GABRG3: variants seen among roughly 807,000 people sequenced by gnomAD.
GABRG3 encodes gamma-aminobutyric acid type A receptor subunit gamma3, also known as gamma-aminobutyric acid receptor subunit gamma-3.
A neutral mutation model predicts 48.8 loss-of-function variants in GABRG3; 25 were observed. The observed-to-expected ratio is 0.51, with a 90% CI of 0.37 to 0.72. The LOEUF (loss-of-function observed/expected upper bound fraction) is 0.72, where lower values mean the gene tolerates loss of function less well. Ranked by LOEUF, GABRG3 falls within the 30% of genes least tolerant of loss-of-function variation. GABRG3 has a pLI of 0.00. For synonymous variants in GABRG3, 227 were observed against 217.6 expected, an observed-to-expected ratio of 1.04 and a Z score of -0.38; for missense variants, 394 against 577.9, an observed-to-expected ratio of 0.68 and a Z score of 3.26.
At chr15:27,396,035 A>G (rs771628015) in intron 5 of GABRG3, among the ~76,000 whole-genome samples, 2 of 152,000 alleles carry the variant, frequency 1.3e-5, no homozygotes. Flanking sequence ...TAATTTTGTT[A>G]TTTCTTTGTG....
intron 3 of GABRG3, among the ~76,000 whole-genome samples, chr15:27,117,716 C>T (rs1343352107): frequency 6.6e-6 from 1 of 152,144 alleles, no homozygotes; most frequent in East Asian, 1.9e-4. Context: ...ACTAAGCCTA[C>T]TTCTTACTAG....
At chr15:27,330,307 T>G (rs1332584596) in intron 5 of GABRG3, among the ~76,000 whole-genome samples, 2 of 152,224 alleles carry the variant, frequency 1.3e-5, no homozygotes, top group Non-Finnish European at 2.9e-5. Flanking sequence ...TGAAATCTCA[T>G]GTAGAAGTTT....
intron 3 of GABRG3, among the ~76,000 whole-genome samples, chr15:27,101,436 T>C (rs770447082): frequency 1.5e-4 from 23 of 152,162 alleles, no homozygotes; most frequent in Non-Finnish European, 3.1e-4. Context: ...CAGACAAGCT[T>C]ATTTGAAAAT....
intron 3 of GABRG3, among the ~76,000 whole-genome samples, chr15:27,297,878 C>T (rs1892054698): frequency 6.6e-6 from 1 of 151,368 alleles, no homozygotes; most frequent in Non-Finnish European, 1.5e-5. Context: ...GAGTAAAGTT[C>T]TATATTCCAC....
At chr15:27,040,878 T>G (rs763106587) in intron 3 of GABRG3, among the ~76,000 whole-genome samples, 1 of 152,232 alleles carries the variant, frequency 6.6e-6, no homozygotes, top group Non-Finnish European at 1.5e-5. Flanking sequence ...TTCTCCTTTC[T>G]TCTTCTGAAA....
chr15:26,976,876 G>A lies in GABRG3; in HGVS notation c.54-126G>A. The A allele has an allele frequency of 1.2e-6, 1 of 840,342 alleles. No homozygotes were observed. Among genetic ancestry groups the A allele is most frequent in the Non-Finnish European group, 1.9e-6 (1 of 525,914 alleles). The allele number at this position is 840,342 out of a possible 1,614,324, so 52.1% of individuals were successfully genotyped here. A position where few individuals can be genotyped will look rare whatever the true frequency, so the allele number is the denominator to read the frequency against. ...AGAAAATATTTTCGGGTTTTCACGTGTGTGGTTGGGCTGTGGGTACTGGGG... is the reference window on the plus strand; with the variant it reads ...AGAAAATATTTTCGGGTTTTCACGTATGTGGTTGGGCTGTGGGTACTGGGG... On this transcript the variant is annotated intron_variant, in intron 1 of 9. Transcript: ENST00000615808. This position sits in a 1 kb window ranked among gnomAD's most constrained non-coding sequence, Gnocchi z 7.8.
chr15:27,242,988 A>G (rs1890170996), intron 3 of GABRG3, among the ~76,000 whole-genome samples: 1 of 152,182 alleles, frequency 6.6e-6, no homozygotes. Context: ...CTCAACATCC[A>G]TTAGTAAGAG....
At chr15:27,017,205 T>C (rs979447869) in intron 2 of GABRG3, among the ~76,000 whole-genome samples, 10 of 152,198 alleles carry the variant, frequency 6.6e-5, no homozygotes, top group African/African-American at 2.4e-4. Context: ...CCAGAGACTC[T>C]AGAGACCTCT....
At chr15:27,237,336 A>G (rs976061159) in intron 3 of GABRG3, among the ~76,000 whole-genome samples, 6 of 152,244 alleles carry the variant, frequency 3.9e-5, no homozygotes, top group East Asian at 1.9e-4. Flanking sequence ...ACATGACCCA[A>G]TTGTTCTGGA....
At chr15:27,286,121 T>C (rs1206636134) in intron 3 of GABRG3, among the ~76,000 whole-genome samples, 1 of 152,250 alleles carries the variant, frequency 6.6e-6, no homozygotes, top group East Asian at 1.9e-4. Context: ...AAATGAGCTG[T>C]GCATTCAACT....
At chr15:27,257,015 T>C (rs1247259794) in intron 3 of GABRG3, among the ~76,000 whole-genome samples, 1 of 152,212 alleles carries the variant, frequency 6.6e-6, no homozygotes, top group African/African-American at 2.4e-5. Flanking sequence ...CTAATGGCTA[T>C]ACTAATTTAC....
chr15:27,280,709 A>G lies in GABRG3; in HGVS notation c.271-46100A>G, dbSNP rs141138773. ...TCAGAAAACAAACTGTATGGTTTCA[A>G]TTCTTTTAAATTTGTTGAGGTTTGT... On this transcript the variant is annotated intron_variant, in intron 3 of 9. Coordinates refer to ENST00000615808, the MANE Select transcript of GABRG3 (RefSeq NM_033223.5). Among the ~76,000 whole-genome samples, 144 of 152,304 alleles carry G rather than the reference A, an allele frequency of 9.5e-4. 3 individuals are homozygous for G. In the East Asian group the frequency reaches 0.027, roughly 28 times the overall value.
chr15:27,056,489 G>A (rs1336604296), intron 3 of GABRG3, among the ~76,000 whole-genome samples: 1 of 152,072 alleles, frequency 6.6e-6, no homozygotes, highest in African/African-American at 2.4e-5. Flanking sequence ...CTGAGAATTT[G>A]CAAGAATGTT....
intron 3 of GABRG3, among the ~76,000 whole-genome samples, chr15:27,231,025 G>T (rs1326401807): frequency 6.6e-6 from 1 of 151,558 alleles, no homozygotes; most frequent in Non-Finnish European, 1.5e-5. Context: ...GTGTGTGTGT[G>T]TGTGTGTGTG....
intron 3 of GABRG3, among the ~76,000 whole-genome samples, chr15:27,065,952 T>C (rs987243993): frequency 2.0e-5 from 3 of 152,226 alleles, no homozygotes; most frequent in Admixed American, 2.0e-4. Flanking sequence ...TTTATACTTT[T>C]AATGGGAAAA....
chr15:27,302,432 A>G (rs904816090), intron 3 of GABRG3, among the ~76,000 whole-genome samples: 1 of 152,102 alleles, frequency 6.6e-6, no homozygotes, highest in Admixed American at 6.6e-5. Flanking sequence ...AAATTTACCA[A>G]GAAGATACGA....
intron 3 of GABRG3, among the ~76,000 whole-genome samples, chr15:27,142,371 G>T (rs184101591): frequency 6.6e-6 from 1 of 152,148 alleles, no homozygotes; most frequent in African/African-American, 2.4e-5. Flanking sequence ...AGGCAAGGAG[G>T]ATCGAGTCCC....
chr15:27,504,110 A>G (rs1250976382), intron 6 of GABRG3, among the ~76,000 whole-genome samples: 1 of 152,022 alleles, frequency 6.6e-6, no homozygotes, highest in Non-Finnish European at 1.5e-5. Flanking sequence ...GGTCTTGCTT[A>G]TATATCCAAA....
chr15:27,436,995 TAGAGAGAGAGAGAGAGAG>T (rs10549691), intron 5 of GABRG3, among the ~76,000 whole-genome samples: 1 of 130,474 alleles, frequency 7.7e-6, no homozygotes, highest in Non-Finnish European at 1.6e-5. Context: ...CTCCGAAAAA[TAGAGAGAGAGAGAGAGAG>T]AGAGAGAGAG....
Sources: allele counts gnomAD v4.1 joint callset (sites outside exome capture counted in the v4.1 genomes callset), GRCh38; gene constraint gnomAD v4.1.1; non-coding constraint Gnocchi (gnomAD v3.1); transcripts MANE v1.5; gene names NCBI Gene and HGNC (gene_info 2026-07-23, HGNC 2026-07-21).